MDFIC: variants seen among roughly 807,000 people sequenced by gnomAD.
MDFIC encodes myoD family inhibitor domain-containing protein.
MDFIC carries 17 observed loss-of-function variants against 23.2 expected under a neutral mutation model. That is an observed-to-expected ratio of 0.73 (90% confidence interval 0.50 to 1.10). The LOEUF is 1.10. Among genes scored for constraint, MDFIC ranks in the 50% least tolerant of loss-of-function variants. The probability of loss-of-function intolerance (pLI) is 0.00; values close to 1 mark genes in which losing one functional copy is unlikely to be tolerated. For missense variants in MDFIC, 356 were observed against 316.6 expected (o/e 1.12, Z -0.95); for synonymous variants, 120 against 115.2 (o/e 1.04, Z -0.27).
Position 115,018,942 on chromosome 7 carries a change from A to G in MDFIC, c.*3007A>G, listed in dbSNP as rs1400479873. The G allele has an allele frequency of 6.6e-6, 1 of 151,996 alleles. No individual in the cohort carries two copies. The highest frequency in any genetic ancestry group is 1.5e-5 in the Non-Finnish European group (1 of 67,902). 9.4% of individuals were successfully genotyped at this position (151,996 alleles called of 1,614,324 possible). On this transcript the variant is annotated 3_prime_UTR_variant, in exon 5 of 5. Coordinates refer to ENST00000393486, the MANE Select transcript of MDFIC (RefSeq NM_001166345.3). ...AACTATGAAAGATATCGATCAGTTTATGATCATTGACATGTGATTTCAAAA... is the reference window on the plus strand; with the variant it reads ...AACTATGAAAGATATCGATCAGTTTGTGATCATTGACATGTGATTTCAAAA...
At position 114,922,433 on chromosome 7, in the gene MDFIC, C is replaced by T; in HGVS notation, c.-311C>T. 3.2e-6 allele frequency: 4 copies of T among 1,241,720 alleles called. No individual in the cohort carries two copies. Among genetic ancestry groups the T allele is most frequent in the Non-Finnish European group, 3.0e-6 (3 of 989,012 alleles). 76.9% of individuals were successfully genotyped at this position (1,241,720 alleles called of 1,614,324 possible). ...GGGGGCGGAGTGCGCGGAGTCAGAG[C>T]CGCCACCGCTGCCGCAGTTGCCGCC... On this transcript the variant is annotated 5_prime_UTR_variant, in exon 1 of 5. Coordinates refer to ENST00000393486, the MANE Select transcript of MDFIC (RefSeq NM_001166345.3).
chr7:114,970,590 C>T (rs910160446), intron 3 of MDFIC, among the ~76,000 whole-genome samples: 22 of 152,162 alleles, frequency 1.4e-4, no homozygotes, highest in African/African-American at 5.3e-4. Flanking sequence ...TGAGGCTTGA[C>T]CTGGGTTGCT....
At chr7:114,923,613 A>G (rs1262256792) in intron 2 of MDFIC, 63 of 1,468,182 alleles carry the variant, frequency 4.3e-5, no homozygotes, top group Non-Finnish European at 5.6e-5. Context: ...CTTGTTTTCA[A>G]TAACTGGTTT....
At position 114,975,561 on chromosome 7, in the gene MDFIC, C is replaced by CT. The variant is rs5886744; in HGVS notation, c.218-3932dup. 5.7e-3 allele frequency among the ~76,000 whole-genome samples: 846 copies of CT among 147,672 alleles called. 5 individuals are homozygous for CT. The highest frequency in any genetic ancestry group is 0.019 in the African/African-American group (783 of 40,506). ...ATTGTGTCGTTTCCATATTAGCATG[C>CT]TTTTTTTTTTTTTAAAGCCATACAC... is the stretch of plus-strand genomic sequence containing the variant. On this transcript the variant is annotated intron_variant, in intron 3 of 4. Coordinates refer to ENST00000393486, the MANE Select transcript of MDFIC (RefSeq NM_001166345.3).
intron 4 of MDFIC, among the ~76,000 whole-genome samples, chr7:115,001,720 A>ATT (rs147364626): frequency 2.6e-5 from 4 of 151,912 alleles, no homozygotes; most frequent in Non-Finnish European, 5.9e-5. Flanking sequence ...AGTGCCTTTG[A>ATT]TTTTTTGTTC....
At chr7:115,006,361 C>A (rs1305572643) in intron 4 of MDFIC, among the ~76,000 whole-genome samples, 1 of 152,162 alleles carries the variant, frequency 6.6e-6, no homozygotes. Flanking sequence ...TCCTAGGTGA[C>A]CTGGCCAACC....
At chr7:114,942,115 G>C (rs753273427) in intron 2 of MDFIC, among the ~76,000 whole-genome samples, 160 bp from the exon 3 acceptor site, 13 of 152,072 alleles carry the variant, frequency 8.5e-5, no homozygotes, top group Non-Finnish European at 1.6e-4. Flanking sequence ...GTAAATACCT[G>C]TTACTGAGCC....
rs1008025252 is a variant in MDFIC, at chr7:115,019,241, C to T, written c.*3306C>T. ...TAGAGTGGCGAAATTTTTGTAAATG[C>T]TCGCAGTTAGCATCTAACTAAAACA... On this transcript the variant is annotated 3_prime_UTR_variant, in exon 5 of 5. Coordinates refer to ENST00000393486, the MANE Select transcript of MDFIC (RefSeq NM_001166345.3). The T allele has an allele frequency of 2.0e-5, 3 of 151,920 alleles. No individual in the cohort carries two copies. Among genetic ancestry groups the T allele is most frequent in the African/African-American group, 7.2e-5 (3 of 41,388 alleles). 9.4% of individuals were successfully genotyped at this position (151,920 alleles called of 1,614,324 possible).
At chr7:114,982,982 A>C (rs1343051580) in intron 4 of MDFIC, among the ~76,000 whole-genome samples, 2 of 152,228 alleles carry the variant, frequency 1.3e-5, no homozygotes, top group Non-Finnish European at 1.5e-5. Flanking sequence ...AGAAGCCCTC[A>C]TGGCCAAATC....
chr7:114,992,353 C>A (rs1205544223), intron 4 of MDFIC, among the ~76,000 whole-genome samples: 2 of 140,968 alleles, frequency 1.4e-5, no homozygotes, highest in Admixed American at 1.5e-4. Context: ...CTTTCTCCTG[C>A]CTGATTGCCC....
rs186598028 is a variant in MDFIC, at chr7:114,955,762, A to G, written c.217+13365A>G. On this transcript the variant is annotated intron_variant, in intron 3 of 4. Coordinates refer to ENST00000393486, the MANE Select transcript of MDFIC (RefSeq NM_001166345.3). ...TTGACTATCTTTGCTTCTCTTAAGGAGCTAATTTTCTCAGTCCGCAGTTCA... is the reference window on the plus strand; with the variant it reads ...TTGACTATCTTTGCTTCTCTTAAGGGGCTAATTTTCTCAGTCCGCAGTTCA... Among the ~76,000 whole-genome samples, 82 of 152,294 alleles carry G rather than the reference A, an allele frequency of 5.4e-4. No homozygotes were observed. The East Asian group carries it at 0.01, about 19-fold the overall frequency.
At chr7:114,981,793 C>T (rs192854626) in intron 4 of MDFIC, among the ~76,000 whole-genome samples, 5 of 152,180 alleles carry the variant, frequency 3.3e-5, no homozygotes, top group Non-Finnish European at 7.4e-5. Flanking sequence ...TCTCAAAGTT[C>T]GATATCTTCA....
chr7:115,000,707 T>A (rs1238296432), intron 4 of MDFIC, among the ~76,000 whole-genome samples: 1 of 152,190 alleles, frequency 6.6e-6, no homozygotes, highest in African/African-American at 2.4e-5. Context: ...AATATTAAAT[T>A]CCTAAGTAAC....
At chr7:114,923,332 G>C in intron 2 of MDFIC, 1 of 1,180,780 alleles carries the variant, frequency 8.5e-7, no homozygotes, top group Non-Finnish European at 1.2e-6. Context: ...GGCGGGAACC[G>C]TTGGTCCCTC....
Position 114,977,531 on chromosome 7 carries a change from C to T in MDFIC, c.218-1975C>T, listed in dbSNP as rs560403226. 4.6e-5 allele frequency among the ~76,000 whole-genome samples: 7 copies of T among 152,216 alleles called. No individual in the cohort carries two copies. The South Asian group carries it at 1.4e-3, about 32-fold the overall frequency. On this transcript the variant is annotated intron_variant, in intron 3 of 4. Transcript: ENST00000393486. ...GGCTAACAGCTTGCATTGATCACTT[C>T]CAAATGCAAGCCATACTTCTCTTCT... is the stretch of plus-strand genomic sequence containing the variant.
chr7:114,929,256 G>T (rs376206062), intron 2 of MDFIC, among the ~76,000 whole-genome samples: 1 of 152,080 alleles, frequency 6.6e-6, no homozygotes, highest in Admixed American at 6.5e-5. Context: ...ACAGGCGTGT[G>T]CCACCAAACC....
Position 114,922,568 on chromosome 7 carries a change from A to C in MDFIC, c.-176A>C. ...TGCGGCCGCTGCCGGAGGCTCGCTA[A>C]CTTTCCGGGGCGGAAGAGGAGGAGG... is the stretch of plus-strand genomic sequence containing the variant. On this transcript the variant is annotated 5_prime_UTR_variant, in exon 1 of 5. It removes the in-frame stop codon of an upstream open reading frame in the 5' UTR. Transcript: ENST00000393486. 7.9e-7 allele frequency: 1 copy of C among 1,269,354 alleles called. No homozygotes were observed. The highest frequency in any genetic ancestry group is 4.0e-5 in the Admixed American group (1 of 24,750). 78.6% of individuals were successfully genotyped at this position (1,269,354 alleles called of 1,614,324 possible). A position where few individuals can be genotyped will look rare whatever the true frequency, so the allele number is the denominator to read the frequency against.
chr7:114,974,804 T>G (rs1436517493), intron 3 of MDFIC, among the ~76,000 whole-genome samples: 1 of 152,132 alleles, frequency 6.6e-6, no homozygotes, highest in Admixed American at 6.6e-5. Context: ...CTAATTCTAT[T>G]GGTTTCCTTC....
intron 4 of MDFIC, among the ~76,000 whole-genome samples, chr7:114,982,151 T>C (rs535237931): frequency 6.6e-6 from 1 of 152,146 alleles, no homozygotes; most frequent in Admixed American, 6.5e-5. Flanking sequence ...GAATATGTGA[T>C]CTCTTGTTGA....
Sources: gnomAD v4.1 joint callset for allele counts (sites outside exome capture counted in the v4.1 genomes callset) on GRCh38, gnomAD v4.1.1 for gene constraint, MANE v1.5 for transcripts, NCBI Gene and HGNC (gene_info 2026-07-23, HGNC 2026-07-21) for gene names.